The following ZNF461 variants were observed in gnomAD, a reference collection of about 807,000 sequenced individuals.
ZNF461 encodes zinc finger protein 461, also known as gonadotropin-inducible ovarian transcription factor-1.
Under a neutral mutation model 18.3 loss-of-function variants are expected in ZNF461, and 16 were observed. That is an observed-to-expected ratio of 0.88 (90% CI 0.59 to 1.33). The LOEUF (loss-of-function observed/expected upper bound fraction) is 1.33. Ranked by LOEUF, ZNF461 falls within the 40% of genes most tolerant of loss-of-function variation. ZNF461 has a pLI of 0.00. For missense variants in ZNF461, 595 were observed against 669.9 expected (o/e 0.89, Z 1.23); for synonymous variants, 179 against 216.9 (o/e 0.83, Z 1.54).
intron 4 of ZNF461, among the ~76,000 whole-genome samples, chr19:36,644,793 C>T (rs2037494927): frequency 6.6e-6 from 1 of 152,010 alleles, no homozygotes; most frequent in African/African-American, 2.4e-5. Flanking sequence ...GACGGGGTTT[C>T]ACCACGTTGG....
chr19:36,666,255 C>A (rs928246215), intron 1 of ZNF461, among the ~76,000 whole-genome samples: 2 of 151,852 alleles, frequency 1.3e-5, no homozygotes, highest in African/African-American at 4.8e-5. Flanking sequence ...CCACCATACC[C>A]GGCTAATTTT....
rs1402119003 is a variant in ZNF461 at position 36,639,512 on chromosome 19, C to T, written c.833G>A (p.Cys278Tyr). ...TGAGCCATAATTAAAGGCCTTCCCA[C>T]ATTCGTTACATTCATAGCGTTTTTC... is the stretch of plus-strand genomic sequence containing the variant. Reference protein sequence around the residue: ...NGEKRYECNECGKAFNYGSEL... With the variant: ...NGEKRYECNEYGKAFNYGSEL... The change falls in exon 6 of 6, where the codon TGT becomes TAT. Residue 278 changes from cysteine (C) to tyrosine (Y), a missense_variant. Cys to Tyr is a radical substitution (Grantham distance 194, BLOSUM62 -2). Transcript: ENST00000588268. 3 of 1,613,554 alleles carry T rather than the reference C, an allele frequency of 1.9e-6. No individual in the cohort carries two copies. Among genetic ancestry groups the T allele is most frequent in the African/African-American group, 2.7e-5 (2 of 74,942 alleles).
chr19:36,650,156 G>A (rs1259547218), intron 4 of ZNF461, among the ~76,000 whole-genome samples: 1 of 152,162 alleles, frequency 6.6e-6, no homozygotes, highest in Non-Finnish European at 1.5e-5. Flanking sequence ...CTGGGTGAAA[G>A]AGTGAGACTC....
rs1381148401 is a variant in ZNF461, at chr19:36,639,168, C to T, written c.1177G>A (p.Ala393Thr). The T allele has an allele frequency of 6.2e-7, 1 of 1,613,930 alleles. No homozygotes were observed. The highest frequency in any genetic ancestry group is 1.1e-5 in the South Asian group (1 of 91,066). ...GAGAAGCTTGAGTGATAGCTAAAGG[C>T]CTTCCCACATTCCCGACATTCATAG... ...KPYECRECGK[A>T]FSYHSSFSHH... The change falls in exon 6 of 6, where the codon GCC becomes ACC. Residue 393 changes from alanine (A) to threonine (T), a missense_variant. By Grantham distance (58) the Ala-to-Thr change is moderately conservative. Transcript: ENST00000588268.
At chr19:36,650,325 A>G (rs1192631709) in intron 4 of ZNF461, among the ~76,000 whole-genome samples, 3 of 152,188 alleles carry the variant, frequency 2.0e-5, no homozygotes, top group Admixed American at 6.5e-5. Flanking sequence ...CTTCATACTT[A>G]TAACTTCAAC....
intron 4 of ZNF461, among the ~76,000 whole-genome samples, chr19:36,653,688 A>ATG (rs1313809844): frequency 6.6e-6 from 1 of 152,212 alleles, no homozygotes; most frequent in African/African-American, 2.4e-5. Context: ...CCACGAGAAC[A>ATG]GTATGGGGGA....
At chr19:36,666,543 G>A in intron 1 of ZNF461, 147 bp downstream of exon 1, 1 of 152,818 alleles carries the variant, frequency 6.5e-6, no homozygotes, top group Non-Finnish European at 1.5e-5. Context: ...GCACCAGGTC[G>A]CTGTCCCAAC....
intron 5 of ZNF461, among the ~76,000 whole-genome samples, chr19:36,643,026 C>A (rs1318321690): frequency 4.6e-5 from 7 of 152,152 alleles, no homozygotes; most frequent in Non-Finnish European, 1.0e-4. Flanking sequence ...GCCTTGGCTT[C>A]CCAAAGTGCT....
rs778700200 is a variant in ZNF461 at position 36,638,756 on chromosome 19, G to A, written c.1589C>T (p.Ala530Val). Residue 530 changes from alanine to valine, a missense_variant, in exon 6 of 6, where the codon GCG (alanine) becomes GTG (valine). Transcript: ENST00000588268. The stretch of plus-strand genomic sequence containing the variant: ...GTTAAGTTGTAATCTATGATTAAAC[G>A]CCTTCCCGCATTGATAAGGTTTCTT... Reference protein sequence around the residue: ...SGKKPYQCGKAFNHRLQLNLH... With the variant: ...SGKKPYQCGKVFNHRLQLNLH... The A allele has an allele frequency of 9.3e-6, 15 of 1,614,086 alleles. No homozygotes were observed. Among genetic ancestry groups the A allele is most frequent in the East Asian group, 2.2e-5 (1 of 44,880 alleles).
intron 4 of ZNF461, among the ~76,000 whole-genome samples, chr19:36,647,139 C>G (rs1352099632): frequency 6.6e-6 from 1 of 152,184 alleles, no homozygotes; most frequent in Non-Finnish European, 1.5e-5. Flanking sequence ...CTGTACATTT[C>G]TTTTGGTGGA....
At chr19:36,663,079 T>A (rs2037844177) in intron 2 of ZNF461, among the ~76,000 whole-genome samples, 2 of 152,248 alleles carry the variant, frequency 1.3e-5, no homozygotes, top group Admixed American at 6.5e-5. Context: ...TATTCAGAAC[T>A]GTTATATCTT....
In ZNF461 at chr19:36,638,043, G is replaced by A; in HGVS notation, c.*610C>T. On this transcript the variant is annotated 3_prime_UTR_variant, in exon 6 of 6. Coordinates refer to ENST00000588268, the MANE Select transcript of ZNF461 (RefSeq NM_153257.5). ...AATCTGCACAATAGAAACAAAAGAA[G>A]GTAAAATTAGAGTTCTAGGTGAACA... 9.5e-6 allele frequency: 2 copies of A among 211,474 alleles called. No individual in the cohort carries two copies. Among genetic ancestry groups the A allele is most frequent in the South Asian group, 6.0e-5 (1 of 16,720 alleles). 13.1% of individuals were successfully genotyped at this position (211,474 alleles called of 1,614,324 possible). A position where few individuals can be genotyped will look rare whatever the true frequency, so the allele number is the denominator to read the frequency against.
At chr19:36,662,848 A>C (rs1345620997) in intron 2 of ZNF461, among the ~76,000 whole-genome samples, 2 of 152,138 alleles carry the variant, frequency 1.3e-5, no homozygotes, top group African/African-American at 4.8e-5. Context: ...GAAAGAATGA[A>C]TATTAACAAT....
rs759206001 is a variant in ZNF461 at position 36,656,429 on chromosome 19, C to T, written c.232+19G>A. 1.9e-6 allele frequency: 3 copies of T among 1,605,858 alleles called. No individual in the cohort carries two copies. The highest frequency in any genetic ancestry group is 2.2e-5 in the South Asian group (2 of 90,890). On this transcript the variant is annotated intron_variant, in intron 4 of 5. Transcript: ENST00000588268. ...GCTGGCCTGCTCTCTGCAAGAGCTT[C>T]CTGTGCTTGCTCACTCACCTGGGCA...
At position 36,637,438 on chromosome 19, in the gene ZNF461, G is replaced by T. The variant is rs2037316947; in HGVS notation, c.*1215C>A. ...GATGGTCTCGATCTCCTGACCTCGT[G>T]ATCCGCCCGCCTCGGCCTCCCAAAG... On this transcript the variant is annotated 3_prime_UTR_variant, in exon 6 of 6. Transcript: ENST00000588268. The T allele has an allele frequency of 6.6e-6, 1 of 152,452 alleles. No individual in the cohort carries two copies. 9.4% of individuals were successfully genotyped at this position (152,452 alleles called of 1,614,324 possible).
intron 3 of ZNF461, among the ~76,000 whole-genome samples, chr19:36,657,274 A>G (rs2037739539): frequency 6.6e-6 from 1 of 151,940 alleles, no homozygotes; most frequent in African/African-American, 2.4e-5. Context: ...TGAGATCAGG[A>G]ATTCGAGACC....
Position 36,637,369 on chromosome 19 carries a change from G to T in ZNF461, c.*1284C>A. 1 of 151,334 alleles carries T rather than the reference G, an allele frequency of 6.6e-6. No homozygotes were observed. The highest frequency in any genetic ancestry group is 1.5e-5 in the Non-Finnish European group (1 of 67,908). The allele number at this position is 151,334 out of a possible 1,614,324, so 9.4% of individuals were successfully genotyped here. Reference sequence around the variant, plus strand: ...CCACCACCACGCCCAGCTAATTTTTGTATTTTTTTTTTAGTAGAGACGGGG... The same window carrying T: ...CCACCACCACGCCCAGCTAATTTTTTTATTTTTTTTTTAGTAGAGACGGGG... On this transcript the variant is annotated 3_prime_UTR_variant, in exon 6 of 6. Transcript: ENST00000588268.
chr19:36,651,310 A>C (rs2037623242), intron 4 of ZNF461, among the ~76,000 whole-genome samples: 1 of 152,048 alleles, frequency 6.6e-6, no homozygotes, highest in Non-Finnish European at 1.5e-5. Flanking sequence ...CTTTCCCTTC[A>C]AAATGGGGAA....
intron 5 of ZNF461, 41 bp downstream of exon 5, chr19:36,643,753 A>G: frequency 6.8e-7 from 1 of 1,465,454 alleles, no homozygotes; most frequent in Non-Finnish European, 9.0e-7. Flanking sequence ...CTTTGTTACC[A>G]GTACTTCTAC....
Sources: gnomAD v4.1 joint callset for allele counts (sites outside exome capture counted in the v4.1 genomes callset) on GRCh38, gnomAD v4.1.1 for gene constraint, MANE v1.5 for transcripts, NCBI Gene and HGNC (gene_info 2026-07-23, HGNC 2026-07-21) for gene names.